The following CWC25 variants were observed in gnomAD, a reference collection of about 807,000 sequenced individuals.
CWC25 encodes pre-mRNA-splicing factor CWC25 homolog.
Under a neutral mutation model 54.6 loss-of-function variants are expected in CWC25, and 31 were observed. The observed-to-expected ratio is 0.57, with a 90% CI of 0.43 to 0.77. The LOEUF (loss-of-function observed/expected upper bound fraction) is 0.77. Ranked by LOEUF, CWC25 falls within the 30% of genes least tolerant of loss-of-function variation. The probability of loss-of-function intolerance (pLI) is 0.00; values close to 1 mark genes in which losing one functional copy is unlikely to be tolerated. For missense variants in CWC25, 453 were observed against 529.3 expected (o/e 0.86, Z 1.41); for synonymous variants, 151 against 187.0 (o/e 0.81, Z 1.57).
At chr17:38,802,637 C>T (rs1911073620) in intron 9 of CWC25, 63 bp downstream of exon 9, 3 of 1,575,210 alleles carry the variant, frequency 1.9e-6, no homozygotes, top group Non-Finnish European at 2.6e-6. Flanking sequence ...CGGGAACCAG[C>T]TGCCAGCCTG....
chr17:38,810,398 T>C (rs1911431195), intron 5 of CWC25, 70 bp downstream of exon 5: 10 of 1,461,380 alleles, frequency 6.8e-6, no homozygotes, highest in Non-Finnish European at 9.1e-6. Context: ...CAGGTGTTCA[T>C]GTCTGTGGAA....
intron 1 of CWC25, among the ~76,000 whole-genome samples, chr17:38,822,984 T>A (rs542179511): frequency 6.8e-6 from 1 of 146,122 alleles, no homozygotes; most frequent in South Asian, 2.2e-4. Context: ...ACTACAGACA[T>A]CCGCCACCAT....
intron 5 of CWC25, 25 bp downstream of exon 5, chr17:38,810,443 G>C: frequency 6.6e-7 from 1 of 1,522,044 alleles, no homozygotes; most frequent in Non-Finnish European, 8.8e-7. Flanking sequence ...TCAACGAGAA[G>C]GGAGGCCAGT....
intron 6 of CWC25, among the ~76,000 whole-genome samples, chr17:38,809,438 A>AC (rs1555547914): frequency 1.3e-5 from 2 of 151,956 alleles, no homozygotes; most frequent in Admixed American, 6.6e-5. Flanking sequence ...AAAAAAAAAA[A>AC]AAACAAAAAA....
At chr17:38,824,518 C>A (rs1227648379) in intron 1 of CWC25, among the ~76,000 whole-genome samples, 1 of 151,996 alleles carries the variant, frequency 6.6e-6, no homozygotes, top group East Asian at 1.9e-4. Flanking sequence ...GAAACCCTGT[C>A]TCTACTAAAA....
chr17:38,801,930 CAAAG>C lies in CWC25; in HGVS notation c.*158_*161del, dbSNP rs376346340. The C allele has an allele frequency of 0.01, 5,434 of 520,102 alleles. 54 individuals carry two copies. Among genetic ancestry groups the C allele is most frequent in the Middle Eastern group, 0.021 (41 of 1,998 alleles). 32.2% of individuals were successfully genotyped at this position (520,102 alleles called of 1,614,324 possible). ...CCACAAAGCAAGTCACACTAGCTCTCAAAGGAAGTGAGCTGTTTCAGGACTCAAT... is the reference window on the plus strand; with the variant it reads ...CCACAAAGCAAGTCACACTAGCTCTCGAAGTGAGCTGTTTCAGGACTCAAT... On this transcript the variant is annotated 3_prime_UTR_variant, in exon 10 of 10. Coordinates refer to ENST00000614790, the MANE Select transcript of CWC25 (RefSeq NM_017748.5).
At chr17:38,806,620 G>GAA (rs920603657) in intron 7 of CWC25, 145 bp downstream of exon 7, 6 of 767,046 alleles carry the variant, frequency 7.8e-6, no homozygotes, top group Non-Finnish European at 9.8e-6. Context: ...CATTGAGGTG[G>GAA]AAAAAAAAAA....
intron 8 of CWC25, among the ~76,000 whole-genome samples, chr17:38,805,591 G>C (rs1911202298): frequency 6.6e-6 from 1 of 152,130 alleles, no homozygotes; most frequent in African/African-American, 2.4e-5. Flanking sequence ...TGGGATTACA[G>C]GTATGAGCCA....
chr17:38,823,241 C>T (rs1215515733), intron 1 of CWC25, among the ~76,000 whole-genome samples: 1 of 147,358 alleles, frequency 6.8e-6, no homozygotes, highest in East Asian at 2.0e-4. Context: ...CTCACTGCAA[C>T]CTCCACCTCC....
At chr17:38,812,756 T>C (rs1911542182) in intron 4 of CWC25, 39 bp downstream of exon 4, 1 of 1,195,438 alleles carries the variant, frequency 8.4e-7, no homozygotes, top group African/African-American at 1.5e-5. Context: ...GTTATATGGC[T>C]AAAAGATGCT....
At chr17:38,815,220 C>A (rs1911649595) in intron 2 of CWC25, 123 bp from the exon 3 acceptor site, 2 of 833,734 alleles carry the variant, frequency 2.4e-6, no homozygotes, top group African/African-American at 1.7e-5. Flanking sequence ...TCTACTGGCA[C>A]CTACCATGCA....
intron 3 of CWC25, among the ~76,000 whole-genome samples, chr17:38,814,140 C>A (rs544062549): frequency 6.6e-6 from 1 of 151,970 alleles, no homozygotes. Context: ...GGATTACAGG[C>A]GTGAGCCACT....
chr17:38,808,615 T>A (rs1911351412), intron 6 of CWC25, among the ~76,000 whole-genome samples: 1 of 139,794 alleles, frequency 7.2e-6, no homozygotes. Context: ...ACCCTGTCTC[T>A]ATTAAAAATA....
At chr17:38,819,960 T>A (rs1193359748) in intron 2 of CWC25, among the ~76,000 whole-genome samples, 3 of 149,036 alleles carry the variant, frequency 2.0e-5, no homozygotes, top group Admixed American at 6.9e-5. Flanking sequence ...GCGTAAGCCA[T>A]CGTGCCTGGC....
chr17:38,825,193 G>C lies in CWC25; in HGVS notation c.-10C>G, dbSNP rs771507467. 1.3e-6 allele frequency: 2 copies of C among 1,591,256 alleles called. No homozygotes were observed. Reference sequence around the variant, plus strand: ...GGTCTCCGCCCCCCATGACGGTGGAGACGATTCCTCACTACGCGGATCTGG... The same window carrying C: ...GGTCTCCGCCCCCCATGACGGTGGACACGATTCCTCACTACGCGGATCTGG... On this transcript the variant is annotated 5_prime_UTR_variant, in exon 1 of 10. Transcript: ENST00000614790.
intron 8 of CWC25, among the ~76,000 whole-genome samples, chr17:38,804,517 A>G (rs1295011381): frequency 2.6e-5 from 4 of 152,000 alleles, no homozygotes; most frequent in African/African-American, 9.7e-5. Flanking sequence ...TAAAAATACA[A>G]AAATTAGGGC....
chr17:38,804,045 G>A (rs1462422023), intron 8 of CWC25, among the ~76,000 whole-genome samples: 1 of 152,048 alleles, frequency 6.6e-6, no homozygotes, highest in African/African-American at 2.4e-5. Flanking sequence ...ACCTTGTAGG[G>A]AGAAGAAAGA....
intron 8 of CWC25, among the ~76,000 whole-genome samples, chr17:38,805,398 A>G (rs1398305843): frequency 6.6e-6 from 1 of 152,218 alleles, no homozygotes; most frequent in Non-Finnish European, 1.5e-5. Flanking sequence ...AAAAAGCTGA[A>G]AGTAGTTGCC....
At chr17:38,816,226 T>C (rs1484139221) in intron 2 of CWC25, among the ~76,000 whole-genome samples, 1 of 152,108 alleles carries the variant, frequency 6.6e-6, no homozygotes, top group Non-Finnish European at 1.5e-5. Context: ...TGAAATTAAA[T>C]GCTTTTTGAA....
Sources: gnomAD v4.1 joint callset for allele counts (sites outside exome capture counted in the v4.1 genomes callset) on GRCh38, gnomAD v4.1.1 for gene constraint, MANE v1.5 for transcripts, NCBI Gene and HGNC (gene_info 2026-07-23, HGNC 2026-07-21) for gene names.